Variants in MYO7A observed in about 807,000 individuals in gnomAD.
MYO7A encodes the protein unconventional myosin-VIIa.
A neutral mutation model predicts 263.8 loss-of-function variants in MYO7A; 210 were observed. The ratio of observed to expected loss-of-function variants is 0.80; its 90% confidence interval spans 0.71 to 0.89. The LOEUF is 0.89. Among genes scored for constraint, MYO7A ranks in the 40% least tolerant of loss-of-function variants. The pLI is 0.00. For synonymous variants in MYO7A, 1,239 were observed against 1,197.3 expected, an observed-to-expected ratio of 1.03 and a Z score of -0.72; for missense variants, 2,820 against 2,968.3, an observed-to-expected ratio of 0.95 and a Z score of 1.16.
rs886044828 is a variant in MYO7A, at chr11:77,189,422, C to A, written c.3582C>A (p.Leu1194=). Residue 1194 remains leucine (L), a synonymous_variant, in exon 28 of 49, where the codon CTC becomes CTA. Coordinates refer to ENST00000409709, the MANE Select transcript of MYO7A (RefSeq NM_000260.4). ...SKSSYARGWI[L]VSLCVGCFAP... ...GCAGCTATGCCCGGGGCTGGATTCT[C>A]GTGTCTCTCTGCGTGGGCTGTTTCG... 6.2e-7 allele frequency: 1 copy of A among 1,613,924 alleles called. No individual in the cohort carries two copies. Among genetic ancestry groups the A allele is most frequent in the Non-Finnish European group, 8.5e-7 (1 of 1,179,902 alleles).
rs148284223 is a variant in MYO7A at position 77,195,762 on chromosome 11, G to A, written c.4323+1238G>A. On this transcript the variant is annotated intron_variant, in intron 32 of 48. Transcript: ENST00000409709. ...TGGACAGTTGTGAATCACAGTTTTT[G>A]TAGGGTGGGAGGGTGCATTGTTCAT... is the stretch of plus-strand genomic sequence containing the variant. Among the ~76,000 whole-genome samples, 186 of 152,344 alleles carry A rather than the reference G, an allele frequency of 1.2e-3. 1 individual carries two copies. Among genetic ancestry groups the A allele is most frequent in the African/African-American group, 3.1e-3 (127 of 41,588 alleles).
intron 19 of MYO7A, among the ~76,000 whole-genome samples, chr11:77,178,371 C>T (rs1455696776): frequency 6.6e-6 from 1 of 151,482 alleles, no homozygotes; most frequent in Non-Finnish European, 1.5e-5. Flanking sequence ...CATCCATTCA[C>T]TCATCAGTCC....
In MYO7A at chr11:77,189,433, G is replaced by A; in HGVS notation, c.3593G>A (p.Cys1198Tyr). ...YARGWILVSL[C>Y]VGCFAPSEKF... Reference sequence around the variant, plus strand: ...CGGGGCTGGATTCTCGTGTCTCTCTGCGTGGGCTGTTTCGCCCCCTCCGAG... The same window carrying A: ...CGGGGCTGGATTCTCGTGTCTCTCTACGTGGGCTGTTTCGCCCCCTCCGAG... Residue 1198 changes from cysteine to tyrosine, a missense_variant, in exon 28 of 49, where the codon TGC becomes TAC. Cys to Tyr is a radical substitution (Grantham distance 194). Transcript: ENST00000409709. The A allele has an allele frequency of 6.2e-7, 1 of 1,613,904 alleles. No homozygotes were observed. The highest frequency in any genetic ancestry group is 1.1e-5 in the South Asian group (1 of 91,076).
At chr11:77,195,653 A>G (rs963615623) in intron 32 of MYO7A, among the ~76,000 whole-genome samples, 2 of 152,180 alleles carry the variant, frequency 1.3e-5, no homozygotes. Context: ...TGCCCTTTGG[A>G]GCCCACAGCT....
chr11:77,142,257 A>G (rs1028787474), intron 2 of MYO7A, among the ~76,000 whole-genome samples: 4 of 152,348 alleles, frequency 2.6e-5, no homozygotes, highest in South Asian at 2.1e-4. Context: ...GGAACCTGTC[A>G]TAATGATGAT....
intron 37 of MYO7A, among the ~76,000 whole-genome samples, chr11:77,202,678 C>T (rs575029996): frequency 4.0e-5 from 6 of 151,422 alleles, no homozygotes; most frequent in Admixed American, 2.6e-4. Context: ...GGTGGGGATG[C>T]GGGCTGGAAG....
intron 18 of MYO7A, 132 bp downstream of exon 18, chr11:77,175,596 A>G (rs1954580934): frequency 1.1e-6 from 1 of 877,932 alleles, no homozygotes; most frequent in Non-Finnish European, 1.9e-6. Flanking sequence ...GTGTGGCTGG[A>G]GGAGCAGGTG....
In MYO7A at chr11:77,205,630, C is replaced by T. The variant is rs371792678; in HGVS notation, c.5636+13C>T. ...AGAAAGCCCTGAGGTACAGCGGCCA[C>T]CAGGGGCAGGGACAGACACTGGGGC... is the stretch of plus-strand genomic sequence containing the variant. On this transcript the variant is annotated intron_variant, in intron 40 of 48. Transcript: ENST00000409709. The T allele has an allele frequency of 6.8e-6, 11 of 1,612,874 alleles. No homozygotes were observed. In the African/African-American group the frequency reaches 1.3e-4, roughly 20 times the overall value.
At chr11:77,165,981 C>A (rs949663810) in intron 14 of MYO7A, 75 bp from the exon 15 acceptor site, 57 of 1,095,334 alleles carry the variant, frequency 5.2e-5, no homozygotes, top group East Asian at 1.8e-4. Context: ...TGAGGGTCCT[C>A]CTGGCTCAGA....
intron 3 of MYO7A, among the ~76,000 whole-genome samples, chr11:77,146,868 C>T (rs568147180): frequency 6.6e-6 from 1 of 152,142 alleles, no homozygotes; most frequent in South Asian, 2.1e-4. Flanking sequence ...CCTCTGGGGG[C>T]GGGGAGGGCC....
chr11:77,209,831 A>C lies in MYO7A; in HGVS notation c.6051+1028A>C, dbSNP rs547414782. On this transcript the variant is annotated intron_variant, in intron 44 of 48. Transcript: ENST00000409709. Reference sequence around the variant, plus strand: ...GTCATCCTGCTTTCCAGATTCCCCCAGTGGATTCCCCTTGCTCGTAGGGCA... The same window carrying C: ...GTCATCCTGCTTTCCAGATTCCCCCCGTGGATTCCCCTTGCTCGTAGGGCA... Among the ~76,000 whole-genome samples, 31 of 152,226 alleles carry C rather than the reference A, an allele frequency of 2.0e-4. 1 individual carries two copies. The South Asian group carries it at 6.4e-3, about 32-fold the overall frequency.
chr11:77,213,415 AGG>A (rs1957992765), intron 47 of MYO7A, among the ~76,000 whole-genome samples: 1 of 152,192 alleles, frequency 6.6e-6, no homozygotes, highest in Non-Finnish European at 1.5e-5. Context: ...GGTGGTGAAG[AGG>A]GCTCGTGACC....
chr11:77,189,574 G>A, intron 28 of MYO7A, 104 bp downstream of exon 28: 1 of 1,501,612 alleles, frequency 6.7e-7, no homozygotes, highest in East Asian at 2.3e-5. Flanking sequence ...TGGTCACAAG[G>A]CCCACCCGGC....
chr11:77,184,965 T>C (rs1411541866), intron 27 of MYO7A: 9 of 714,852 alleles, frequency 1.3e-5, no homozygotes, highest in Non-Finnish European at 1.8e-5. Flanking sequence ...GCCACAGAAA[T>C]AAATATCACA....
intron 26 of MYO7A, 81 bp from the exon 27 acceptor site, chr11:77,184,506 CA>C: frequency 4.9e-6 from 6 of 1,230,862 alleles, no homozygotes; most frequent in Non-Finnish European, 6.9e-6. Context: ...TTCTGGGGAG[CA>C]GGCAGCCTCG....
At chr11:77,145,618 A>T (rs1555053229) in intron 3 of MYO7A, among the ~76,000 whole-genome samples, 1 of 152,152 alleles carries the variant, frequency 6.6e-6, no homozygotes, top group Non-Finnish European at 1.5e-5. Context: ...ATCAGCTTGT[A>T]TAAGAAATAG....
Position 77,158,441 on chromosome 11 carries a change from G to A in MYO7A, c.1003+11G>A, listed in dbSNP as rs376688870. On this transcript the variant is annotated intron_variant, in intron 9 of 48. Coordinates refer to ENST00000409709, the MANE Select transcript of MYO7A (RefSeq NM_000260.4). ...ACCTGCAGTATGAGGGTGAGGCTGC[G>A]CCACACTCGCCCTGCCCCACCCCTG... 5.2e-5 allele frequency: 83 copies of A among 1,608,814 alleles called. No individual in the cohort carries two copies. The highest frequency in any genetic ancestry group is 4.1e-4 in the African/African-American group (31 of 75,004).
At chr11:77,147,694 C>A (rs921431742) in intron 3 of MYO7A, 104 bp from the exon 4 acceptor site, 5 of 1,476,344 alleles carry the variant, frequency 3.4e-6, no homozygotes, top group Non-Finnish European at 4.6e-6. Context: ...GAGGCCCTTA[C>A]CCGGGTTGGC....
intron 4 of MYO7A, among the ~76,000 whole-genome samples, chr11:77,152,124 C>T (rs1360535397): frequency 6.6e-6 from 1 of 152,252 alleles, no homozygotes; most frequent in Admixed American, 6.5e-5. Flanking sequence ...TGCCCTCTTA[C>T]TGGAGAGAAT....
Sources: gnomAD v4.1 joint callset for allele counts (sites outside exome capture counted in the v4.1 genomes callset) on GRCh38, gnomAD v4.1.1 for gene constraint, MANE v1.5 for transcripts, NCBI Gene and HGNC (gene_info 2026-07-23, HGNC 2026-07-21) for gene names.